SMYD3: variants seen among roughly 807,000 people sequenced by gnomAD.
SMYD3 encodes the protein histone-lysine N-methyltransferase SMYD3.
SMYD3 carries 36 observed loss-of-function variants against 57.7 expected under a neutral mutation model. That is an observed-to-expected ratio of 0.62 (90% CI 0.48 to 0.82). SMYD3 has a LOEUF of 0.82. SMYD3 is among the 40% of genes least tolerant of loss of function. The pLI is 0.00. For synonymous variants in SMYD3, 211 were observed against 195.0 expected, an observed-to-expected ratio of 1.08 and a Z score of -0.68; for missense variants, 515 against 538.8, an observed-to-expected ratio of 0.96 and a Z score of 0.44.
At chr1:245,788,549 C>A (rs1002674955) in intron 10 of SMYD3, among the ~76,000 whole-genome samples, 2 of 152,180 alleles carry the variant, frequency 1.3e-5, no homozygotes, top group Non-Finnish European at 2.9e-5. Flanking sequence ...CTGCTTCAAC[C>A]CTGTCACCTT....
At chr1:246,417,779 TATC>T (rs1156590470) in intron 1 of SMYD3, among the ~76,000 whole-genome samples, 1 of 152,214 alleles carries the variant, frequency 6.6e-6, no homozygotes, top group African/African-American at 2.4e-5. Context: ...TTCAGGCCCT[TATC>T]ATAATTCTAA....
At chr1:246,123,485 T>C (rs993220717) in intron 5 of SMYD3, among the ~76,000 whole-genome samples, 6 of 151,708 alleles carry the variant, frequency 4.0e-5, no homozygotes, top group African/African-American at 1.5e-4. Flanking sequence ...GAGAATAGCT[T>C]GAACCCGGGA....
At chr1:245,947,725 C>T (rs1021128347) in intron 5 of SMYD3, among the ~76,000 whole-genome samples, 1 of 152,056 alleles carries the variant, frequency 6.6e-6, no homozygotes, top group Non-Finnish European at 1.5e-5. Flanking sequence ...TACCATAGTT[C>T]GATCAACTGT....
intron 5 of SMYD3, among the ~76,000 whole-genome samples, chr1:245,983,846 T>C (rs1185037911): frequency 1.3e-5 from 2 of 152,270 alleles, no homozygotes; most frequent in Non-Finnish European, 1.5e-5. Flanking sequence ...AGTCAGCTCC[T>C]GCTGAGAAAG....
intron 5 of SMYD3, among the ~76,000 whole-genome samples, chr1:245,954,709 T>G (rs1257794451): frequency 6.6e-6 from 1 of 152,174 alleles, no homozygotes; most frequent in East Asian, 1.9e-4. Context: ...AGTGGTAGTT[T>G]ATTCCAAATT....
intron 5 of SMYD3, among the ~76,000 whole-genome samples, chr1:246,171,560 C>G (rs115296142): frequency 1.6e-3 from 240 of 152,282 alleles, no homozygotes; most frequent in African/African-American, 5.6e-3. Context: ...CTAGATGAGA[C>G]AGTCTACTAC....
At chr1:246,069,404 G>A (rs2060403479) in intron 5 of SMYD3, among the ~76,000 whole-genome samples, 1 of 152,126 alleles carries the variant, frequency 6.6e-6, no homozygotes, top group South Asian at 2.1e-4. Flanking sequence ...CCATGGTAAT[G>A]ACGCTCCTCA....
At chr1:246,165,472 C>T (rs77396170) in intron 5 of SMYD3, among the ~76,000 whole-genome samples, 2,358 of 152,154 alleles carry the variant, frequency 0.015, 62 homozygotes, top group African/African-American at 0.052. Flanking sequence ...AAAGAGTGAG[C>T]TCTAGAAAAC....
chr1:245,817,015 C>G lies in SMYD3; in HGVS notation c.1076+41481G>C, dbSNP rs556198505. Among the ~76,000 whole-genome samples the G allele has an allele frequency of 7.3e-5, 11 of 151,580 alleles. No individual in the cohort carries two copies. In the South Asian group the frequency reaches 2.1e-3, roughly 29 times the overall value. ...AGGCTTGCTTAGGTAAACAAAGCAG[C>G]CGGGAAGCTCGAACTGGGTGGAGCC... On this transcript the variant is annotated intron_variant, in intron 10 of 11. Coordinates refer to ENST00000490107, the MANE Select transcript of SMYD3 (RefSeq NM_001167740.2).
chr1:245,960,888 A>G (rs1444052997), intron 5 of SMYD3, among the ~76,000 whole-genome samples: 2 of 152,182 alleles, frequency 1.3e-5, no homozygotes, highest in Non-Finnish European at 2.9e-5. Context: ...GCATTTTCAC[A>G]TTTGGAAGTT....
rs370147293 is a variant in SMYD3, at chr1:246,220,279, C to T, written c.531+106922G>A. Among the ~76,000 whole-genome samples, 44 of 152,092 alleles carry T rather than the reference C, an allele frequency of 2.9e-4. No homozygotes were observed. The East Asian group carries it at 8.6e-3, about 30-fold the overall frequency. On this transcript the variant is annotated intron_variant, in intron 5 of 11. Coordinates refer to ENST00000490107, the MANE Select transcript of SMYD3 (RefSeq NM_001167740.2). ...GAGGAGGAATGGCCGGGCCTGCACA[C>T]TCCACAGAGCAGGGAGAAGACCCCA...
intron 5 of SMYD3, among the ~76,000 whole-genome samples, chr1:246,218,971 T>C (rs1450823233): frequency 6.6e-6 from 1 of 152,086 alleles, no homozygotes; most frequent in East Asian, 1.9e-4. Context: ...TAGATCTCCA[T>C]TTCACAGAGC....
chr1:246,364,927 T>C (rs2066073853), intron 1 of SMYD3, among the ~76,000 whole-genome samples: 1 of 152,046 alleles, frequency 6.6e-6, no homozygotes, highest in African/African-American at 2.4e-5. Context: ...GGACATGCAA[T>C]GGTGGAATGA....
chr1:246,457,350 G>A (rs1426846710), intron 1 of SMYD3, among the ~76,000 whole-genome samples: 3 of 151,862 alleles, frequency 2.0e-5, no homozygotes, highest in African/African-American at 4.8e-5. Flanking sequence ...TGGCCAACAT[G>A]GTGAAACCCC....
intron 5 of SMYD3, among the ~76,000 whole-genome samples, chr1:246,274,675 C>G (rs2064294857): frequency 6.6e-6 from 1 of 152,104 alleles, no homozygotes. Context: ...AATAGAAATG[C>G]CTCCTAACAG....
chr1:246,089,743 G>A (rs910753082), intron 5 of SMYD3, among the ~76,000 whole-genome samples: 7 of 152,136 alleles, frequency 4.6e-5, no homozygotes, highest in African/African-American at 1.4e-4. Flanking sequence ...GGTATGAACA[G>A]GAGATGAGTA....
intron 1 of SMYD3, among the ~76,000 whole-genome samples, chr1:246,375,679 A>G (rs1341509231): frequency 6.6e-6 from 1 of 152,162 alleles, no homozygotes; most frequent in Non-Finnish European, 1.5e-5. Context: ...ATTAAGGTCA[A>G]AAGATCGGCA....
chr1:245,963,281 T>TA (rs1042190702), intron 5 of SMYD3, among the ~76,000 whole-genome samples: 6 of 151,692 alleles, frequency 4.0e-5, no homozygotes, highest in Admixed American at 2.0e-4. Flanking sequence ...TATACAGTGT[T>TA]AAAAAAAAAT....
rs61839774 is a variant in SMYD3, at chr1:246,395,660, C to G, written c.165-40566G>C. ...ACACACCACAGTCAGACAGGGAAGA[C>G]GAACCCACCACAGTCAGACAGGGAA... On this transcript the variant is annotated intron_variant, in intron 1 of 11. Coordinates refer to ENST00000490107, the MANE Select transcript of SMYD3 (RefSeq NM_001167740.2). Among the ~76,000 whole-genome samples, 336 of 74,410 alleles carry G rather than the reference C, an allele frequency of 4.5e-3. 3 individuals are homozygous for G. Among genetic ancestry groups the G allele is most frequent in the Middle Eastern group, 0.038 (6 of 158 alleles). 48.8% of individuals were successfully genotyped at this position (74,410 alleles called of 152,430 possible).
Sources: gnomAD v4.1 joint callset for allele counts (sites outside exome capture counted in the v4.1 genomes callset) on GRCh38, gnomAD v4.1.1 for gene constraint, MANE v1.5 for transcripts, NCBI Gene and HGNC (gene_info 2026-07-23, HGNC 2026-07-21) for gene names.